ZNF257: variants seen among roughly 807,000 people sequenced by gnomAD.
ZNF257 encodes bone marrow zinc finger 4.
In ZNF257, 12 loss-of-function variants were observed where a neutral mutation model predicts 11.9. The observed-to-expected ratio is 1.01, with a 90% CI of 0.65 to 1.63. The LOEUF (loss-of-function observed/expected upper bound fraction) is 1.63, where lower values mean the gene tolerates loss of function less well. Ranked by LOEUF, ZNF257 falls within the 40% of genes most tolerant of loss-of-function variation. The pLI, the probability that ZNF257 is intolerant of heterozygous loss-of-function variation, is 0.00. For missense variants in ZNF257, 580 were observed against 665.5 expected (o/e 0.87, Z 1.41); for synonymous variants, 183 against 222.7 (o/e 0.82, Z 1.59).
At chr19:22,053,715 C>T (rs1344679521) in intron 1 of ZNF257, among the ~76,000 whole-genome samples, 3 of 152,070 alleles carry the variant, frequency 2.0e-5, no homozygotes, top group African/African-American at 7.2e-5. Flanking sequence ...CACTTGAGGT[C>T]GGGAGTTCGA....
rs17853620 is a variant in ZNF257 at position 22,088,813 on chromosome 19, C to T, written c.1063C>T (p.Arg355Trp). The change falls in exon 4 of 4, where the codon CGG (arginine) becomes TGG (tryptophan). Residue 355 changes from arginine (R) to tryptophan (W), a missense_variant. Transcript: ENST00000594947. ...QCEECGKAFNRSSHLTQHKII... is the reference protein window; with the variant it reads ...QCEECGKAFNWSSHLTQHKII... ...TGAAGAGTGTGGCAAAGCTTTTAAC[C>T]GGTCTTCACACCTTACTCAACATAA... is the stretch of plus-strand genomic sequence containing the variant. The T allele has an allele frequency of 3.6e-5, 58 of 1,611,338 alleles. No individual in the cohort carries two copies. The highest frequency in any genetic ancestry group is 1.5e-4 in the Admixed American group (9 of 59,658).
chr19:22,089,171 T>A lies in ZNF257; in HGVS notation c.1421T>A (p.Leu474His), dbSNP rs768779239. 1 of 1,613,624 alleles carries A rather than the reference T, an allele frequency of 6.2e-7. No individual in the cohort carries two copies. The highest frequency in any genetic ancestry group is 1.7e-5 in the Admixed American group (1 of 59,956). The change falls in exon 4 of 4, where the codon CTT becomes CAT. Residue 474 changes from leucine to histidine, a missense_variant. Leu to His is a moderately conservative substitution (Grantham distance 99, BLOSUM62 -3). Transcript: ENST00000594947. ...AAAGCCTTTAACCAGTCTTCACACC[T>A]TACTCAACATAAAATAATTCATACT... ...CGKAFNQSSH[L>H]TQHKIIHTGE... is the part of the protein sequence containing the mutation.
At chr19:22,076,031 T>A (rs1175162015) in intron 3 of ZNF257, among the ~76,000 whole-genome samples, 1 of 152,158 alleles carries the variant, frequency 6.6e-6, no homozygotes, top group African/African-American at 2.4e-5. Context: ...TAATTTTAGA[T>A]TCAGACATTT....
chr19:22,053,567 G>A (rs1453158761), intron 1 of ZNF257, among the ~76,000 whole-genome samples: 1 of 152,088 alleles, frequency 6.6e-6, no homozygotes, highest in Non-Finnish European at 1.5e-5. Flanking sequence ...GTAATCAGAG[G>A]TTAAATGGTA....
At chr19:22,074,821 T>C (rs1177177289) in intron 3 of ZNF257, among the ~76,000 whole-genome samples, 2 of 152,166 alleles carry the variant, frequency 1.3e-5, no homozygotes, top group African/African-American at 4.8e-5. Flanking sequence ...TGGTTTTCTA[T>C]AAAAAAGATG....
At position 22,052,496 on chromosome 19, in the gene ZNF257, G is replaced by T. The variant is rs1291004489; in HGVS notation, c.-137G>T. 1.6e-5 allele frequency: 16 copies of T among 1,030,466 alleles called. No homozygotes were observed. Among genetic ancestry groups the T allele is most frequent in the Non-Finnish European group, 2.2e-5 (15 of 689,728 alleles). 63.8% of individuals were successfully genotyped at this position (1,030,466 alleles called of 1,614,324 possible). A position where few individuals can be genotyped will look rare whatever the true frequency, so the allele number is the denominator to read the frequency against. ...GGGTTTGGCGGGTACTTTGTCTCTC[G>T]CTCTAGCCCGAGCTGCAGGTCTCGT... On this transcript the variant is annotated 5_prime_UTR_variant, in exon 1 of 4. Transcript: ENST00000594947.
chr19:22,084,969 T>G (rs1486450350), intron 3 of ZNF257, among the ~76,000 whole-genome samples: 1 of 152,018 alleles, frequency 6.6e-6, no homozygotes, highest in Non-Finnish European at 1.5e-5. Flanking sequence ...CCTCAGGTGA[T>G]CCACCCGCTT....
intron 3 of ZNF257, among the ~76,000 whole-genome samples, chr19:22,080,686 C>T (rs571882464): frequency 6.6e-6 from 1 of 151,396 alleles, no homozygotes. Context: ...TTTATTATTG[C>T]TATTTTATCT....
intron 3 of ZNF257, among the ~76,000 whole-genome samples, chr19:22,076,644 T>A (rs78563873): frequency 0.047 from 7,168 of 152,180 alleles, 595 homozygotes; most frequent in African/African-American, 0.16. Context: ...AACATTTTAC[T>A]TATTGTTGTT....
chr19:22,058,071 T>G (rs1265179529), intron 1 of ZNF257, among the ~76,000 whole-genome samples: 3 of 152,108 alleles, frequency 2.0e-5, no homozygotes, highest in Admixed American at 2.0e-4. Flanking sequence ...CAAATTCAGC[T>G]GATTTTTATA....
chr19:22,055,787 C>G (rs558662316), intron 1 of ZNF257, among the ~76,000 whole-genome samples: 79 of 152,050 alleles, frequency 5.2e-4, no homozygotes, highest in African/African-American at 1.7e-3. Flanking sequence ...TGTTTTCGGC[C>G]GGGCGCGGTG....
At chr19:22,084,046 A>G (rs1291605699) in intron 3 of ZNF257, among the ~76,000 whole-genome samples, 1 of 151,826 alleles carries the variant, frequency 6.6e-6, no homozygotes, top group African/African-American at 2.4e-5. Flanking sequence ...GGGCCAAGGC[A>G]GGAGAGTTGC....
intron 1 of ZNF257, 31 bp from the exon 2 acceptor site, chr19:22,072,778 A>G (rs770030917): frequency 2.5e-6 from 4 of 1,599,956 alleles, no homozygotes; most frequent in South Asian, 1.1e-5. Flanking sequence ...CTTGGTAAAT[A>G]TATGTGTGTC....
chr19:22,072,010 G>C (rs897302646), intron 1 of ZNF257, among the ~76,000 whole-genome samples: 59 of 152,140 alleles, frequency 3.9e-4, no homozygotes, highest in African/African-American at 1.4e-3. Flanking sequence ...AAAAATTACA[G>C]AACATGAGAG....
At chr19:22,083,199 GTGGCTCACACC>G (rs2022398136) in intron 3 of ZNF257, among the ~76,000 whole-genome samples, 1 of 152,116 alleles carries the variant, frequency 6.6e-6, no homozygotes, top group Non-Finnish European at 1.5e-5. Context: ...ACAGGGTGTG[GTGGCTCACACC>G]TGTAATCCCA....
intron 3 of ZNF257, among the ~76,000 whole-genome samples, chr19:22,086,291 A>G (rs984993660): frequency 3.9e-5 from 6 of 152,088 alleles, no homozygotes; most frequent in Non-Finnish European, 8.8e-5. Context: ...ATCTGGTGAA[A>G]AATGAACTTC....
rs752454691 is a variant in ZNF257 at position 22,072,872 on chromosome 19, A to C, written c.67A>C (p.Thr23Pro). ...TCTGGAGGAGTGGCATTGCCTGGAC[A>C]CTGCACAGCAGAATTTATATAGGGA... Reference protein sequence around the residue: ...FSLEEWHCLDTAQQNLYRDVM... With the variant: ...FSLEEWHCLDPAQQNLYRDVM... The change falls in exon 2 of 4, where the codon ACT becomes CCT. Residue 23 changes from threonine (T) to proline (P), a missense_variant. Physicochemically the swap from Thr to Pro is conservative, Grantham distance 38 (BLOSUM62 -1). Transcript: ENST00000594947. 7 of 1,613,448 alleles carry C rather than the reference A, an allele frequency of 4.3e-6. No homozygotes were observed. In the East Asian group the frequency reaches 1.3e-4, roughly 31 times the overall value.
chr19:22,078,003 G>C (rs2022267649), intron 3 of ZNF257, among the ~76,000 whole-genome samples: 1 of 151,606 alleles, frequency 6.6e-6, no homozygotes, highest in Non-Finnish European at 1.5e-5. Context: ...ACTTTGGGAG[G>C]CCAAGGTGGG....
At chr19:22,076,039 T>C (rs2022216313) in intron 3 of ZNF257, among the ~76,000 whole-genome samples, 1 of 152,160 alleles carries the variant, frequency 6.6e-6, no homozygotes, top group Non-Finnish European at 1.5e-5. Flanking sequence ...GATTCAGACA[T>C]TTAGGAGCAA....
Sources: allele counts gnomAD v4.1 joint callset (sites outside exome capture counted in the v4.1 genomes callset), GRCh38; gene constraint gnomAD v4.1.1; transcripts MANE v1.5; gene names NCBI Gene and HGNC (gene_info 2026-07-23, HGNC 2026-07-21).